Variants in MLXIP observed in about 807,000 individuals in gnomAD.
MLXIP encodes the protein MLX-interacting protein.
MLXIP carries 30 observed loss-of-function variants against 87.2 expected under a neutral mutation model. That is an observed-to-expected ratio of 0.34 (90% CI 0.26 to 0.47). The LOEUF is 0.47. Among genes scored for constraint, MLXIP ranks in the 20% least tolerant of loss-of-function variants. The probability of loss-of-function intolerance (pLI) is 1.00; values close to 1 mark genes in which losing one functional copy is unlikely to be tolerated. For synonymous variants in MLXIP, 530 were observed against 514.0 expected (o/e 1.03, Z -0.42); for missense variants, 1,002 against 1,240.1 (o/e 0.81, Z 2.88).
chr12:122,084,941 T>A (rs894621638), intron 1 of MLXIP, among the ~76,000 whole-genome samples: 42 of 151,904 alleles, frequency 2.8e-4, no homozygotes, highest in Admixed American at 3.9e-4. Context: ...AAATAAAAAA[T>A]AAAAAACCAA....
chr12:122,116,088 A>ACACACAC (rs1565973946), intron 1 of MLXIP, among the ~76,000 whole-genome samples: 1 of 145,944 alleles, frequency 6.9e-6, no homozygotes. Context: ...ACACACACAC[A>ACACACAC]ACATTGACAT....
intron 1 of MLXIP, among the ~76,000 whole-genome samples, chr12:122,094,388 GGTGT>G (rs1952310745): frequency 7.0e-6 from 1 of 141,852 alleles, no homozygotes; most frequent in Non-Finnish European, 1.5e-5. Context: ...GTGTCTGTGT[GGTGT>G]TGGTGTGTGG....
chr12:122,134,185 C>A, intron 9 of MLXIP, 198 bp downstream of exon 9: 1 of 663,732 alleles, frequency 1.5e-6, no homozygotes, highest in Non-Finnish European at 2.3e-6. Flanking sequence ...TATGCTCTAT[C>A]TTTTTTGTTT....
chr12:122,133,930 C>A lies in MLXIP; in HGVS notation c.1675C>A (p.Pro559Thr). Residue 559 changes from proline (P) to threonine (T), a missense_variant, in exon 9 of 17, where the codon CCT becomes ACT. Coordinates refer to ENST00000319080, the MANE Select transcript of MLXIP (RefSeq NM_014938.6). This position sits in a 1 kb window ranked among gnomAD's most constrained non-coding sequence, Gnocchi z 4.9. ...GRPKQPHKIVPAPKPEPVSLV... is the reference protein window; with the variant it reads ...GRPKQPHKIVTAPKPEPVSLV... ...GCCTAAGCAGCCCCACAAAATAGTG[C>A]CTGCTCCCAAACCAGAGCCCGTGTC... 6.2e-7 allele frequency: 1 copy of A among 1,607,600 alleles called. No homozygotes were observed. Among genetic ancestry groups the A allele is most frequent in the African/African-American group, 1.3e-5 (1 of 74,934 alleles).
At chr12:122,100,835 C>G (rs1446305743) in intron 1 of MLXIP, among the ~76,000 whole-genome samples, 1 of 152,206 alleles carries the variant, frequency 6.6e-6, no homozygotes, top group East Asian at 1.9e-4. Context: ...TTACTTACTT[C>G]TGGATAACTA....
chr12:122,089,659 C>A (rs1002131530), intron 1 of MLXIP, among the ~76,000 whole-genome samples: 3 of 152,136 alleles, frequency 2.0e-5, no homozygotes, highest in Non-Finnish European at 4.4e-5. Flanking sequence ...TTGTCACAGC[C>A]CAGTGCTGGG....
intron 1 of MLXIP, among the ~76,000 whole-genome samples, chr12:122,114,763 G>GC (rs1388255415): frequency 2.7e-5 from 4 of 150,542 alleles, no homozygotes; most frequent in Non-Finnish European, 5.9e-5. Flanking sequence ...TTTGGTGGGG[G>GC]GGGACAGGGT....
chr12:122,079,342 G>A (rs1385074933), intron 1 of MLXIP, 76 bp downstream of exon 1: 19 of 1,306,218 alleles, frequency 1.5e-5, no homozygotes, highest in Admixed American at 2.2e-5. Context: ...GGGAAGGGCC[G>A]CCTGGCAACC....
At chr12:122,116,039 A>G (rs1392803393) in intron 1 of MLXIP, among the ~76,000 whole-genome samples, 1 of 141,432 alleles carries the variant, frequency 7.1e-6, no homozygotes, top group African/African-American at 2.8e-5. Flanking sequence ...TGACAGAGCG[A>G]GACTCCATCT....
intron 1 of MLXIP, among the ~76,000 whole-genome samples, chr12:122,110,378 C>T (rs536567309): frequency 1.3e-5 from 2 of 152,050 alleles, no homozygotes; most frequent in South Asian, 4.1e-4. Flanking sequence ...ACCTCCGCCT[C>T]CTGGGCTCAA....
intron 1 of MLXIP, among the ~76,000 whole-genome samples, chr12:122,102,481 G>C (rs1487823337): frequency 1.3e-5 from 2 of 152,176 alleles, no homozygotes; most frequent in East Asian, 3.8e-4. Context: ...TGGTGCAGCT[G>C]CTGTGGAAAA....
intron 1 of MLXIP, among the ~76,000 whole-genome samples, chr12:122,092,918 ATGTGTGTGGGGTGTGG>A (rs1334041992): frequency 6.7e-6 from 1 of 149,918 alleles, no homozygotes; most frequent in East Asian, 2.0e-4. Context: ...GTTGTGTGTG[ATGTGTGTGGGGTGTGG>A]TGTGTGTGGT....
Position 122,141,922 on chromosome 12 carries a change from C to A in MLXIP, c.*110C>A. ...TGACGCTCAGCCTCGGGGCCTCTCT[C>A]CAACTCTGCCGGCCCACCGTGGCAT... On this transcript the variant is annotated 3_prime_UTR_variant, in exon 17 of 17. Transcript: ENST00000319080. The A allele has an allele frequency of 6.7e-7, 1 of 1,498,758 alleles. No individual in the cohort carries two copies. Among genetic ancestry groups the A allele is most frequent in the Admixed American group, 1.9e-5 (1 of 51,860 alleles). The allele number at this position is 1,498,758 out of a possible 1,614,324, so 92.8% of individuals were successfully genotyped here. A position where few individuals can be genotyped will look rare whatever the true frequency, so the allele number is the denominator to read the frequency against.
In MLXIP at chr12:122,142,488, C is replaced by A. The variant is rs759980831; in HGVS notation, c.*676C>A. On this transcript the variant is annotated 3_prime_UTR_variant, in exon 17 of 17. Coordinates refer to ENST00000319080, the MANE Select transcript of MLXIP (RefSeq NM_014938.6). The stretch of plus-strand genomic sequence containing the variant: ...GGAAGCGTGTGATGCACGGTGGCTG[C>A]TCTGGCTGAGAGGCCCTGCTGGGCA... 2 of 364,278 alleles carry A rather than the reference C, an allele frequency of 5.5e-6. No homozygotes were observed. Among genetic ancestry groups the A allele is most frequent in the African/African-American group, 2.1e-5 (1 of 47,158 alleles). The allele number at this position is 364,278 out of a possible 1,614,324, so 22.6% of individuals were successfully genotyped here.
At chr12:122,125,225 G>A (rs1358907635) in intron 1 of MLXIP, among the ~76,000 whole-genome samples, 1 of 151,660 alleles carries the variant, frequency 6.6e-6, no homozygotes, top group Non-Finnish European at 1.5e-5. Context: ...CCAGCTACTC[G>A]GTTGGCTGAG....
At chr12:122,140,892 C>G (rs781272126) in intron 15 of MLXIP, 62 bp from the exon 16 acceptor site, 3 of 1,613,502 alleles carry the variant, frequency 1.9e-6, no homozygotes, top group Non-Finnish European at 2.5e-6. Flanking sequence ...GTCCAACCAC[C>G]TTCGGGTCTG....
At chr12:122,083,247 G>A (rs1442162129) in intron 1 of MLXIP, among the ~76,000 whole-genome samples, 2 of 152,078 alleles carry the variant, frequency 1.3e-5, no homozygotes, top group Admixed American at 1.3e-4. Context: ...GTGGTGGGGG[G>A]AAGAGATAGT....
chr12:122,141,548 C>CGTA, intron 16 of MLXIP, 143 bp from the exon 17 acceptor site: 1 of 1,348,320 alleles, frequency 7.4e-7, no homozygotes, highest in Admixed American at 2.9e-5. Context: ...GTGTCGGCCC[C>CGTA]TGGCACTCCT....
rs767309891 is a variant in MLXIP at position 122,133,738 on chromosome 12, G to T, written c.1483G>T (p.Asp495Tyr). 6.2e-7 allele frequency: 1 copy of T among 1,613,332 alleles called. No homozygotes were observed. The highest frequency in any genetic ancestry group is 8.5e-7 in the Non-Finnish European group (1 of 1,179,768). ...CACGGCCTCTGCCACCCTCACCCAC[G>T]ATGCCCCCGCCACCACCTTTAGCCA... ...THTASATLTH[D>Y]APATTFSQSQ... Residue 495 changes from aspartate (D) to tyrosine (Y), a missense_variant, in exon 9 of 17, where the codon GAT becomes TAT. By Grantham distance (160) the Asp-to-Tyr change is radical. This residue lies in a region of MLXIP where 746 missense variants were observed against 897.0 expected (regional missense o/e 0.83). Coordinates refer to ENST00000319080, the MANE Select transcript of MLXIP (RefSeq NM_014938.6). The surrounding 1 kb of genome is among the most constrained non-coding windows in gnomAD (Gnocchi z 4.9).
Sources: gnomAD v4.1 joint callset for allele counts (sites outside exome capture counted in the v4.1 genomes callset) on GRCh38, gnomAD v4.1.1 for gene constraint, gnomAD v4.1.1 regional missense constraint, Gnocchi (gnomAD v3.1) non-coding constraint, MANE v1.5 for transcripts, NCBI Gene and HGNC (gene_info 2026-07-23, HGNC 2026-07-21) for gene names.